Variants in RABL3 observed in about 807,000 individuals in gnomAD.
RABL3 encodes the protein rab-like protein 3.
In RABL3, 31 loss-of-function variants were observed where a neutral mutation model predicts 31.8. That is an observed-to-expected ratio of 0.97 (90% CI 0.73 to 1.31). RABL3 has a LOEUF of 1.31. Ranked by LOEUF, RABL3 falls within the 40% of genes most tolerant of loss-of-function variation. RABL3 has a pLI of 0.00. For synonymous variants in RABL3, 97 were observed against 99.9 expected (o/e 0.97, Z 0.18); for missense variants, 263 against 279.6 (o/e 0.94, Z 0.42).
chr3:120,693,714 A>G (rs1708405333), intron 6 of RABL3, among the ~76,000 whole-genome samples: 1 of 152,218 alleles, frequency 6.6e-6, no homozygotes, highest in Non-Finnish European at 1.5e-5. Flanking sequence ...TAGGAAATCA[A>G]GAAGACATTA....
At chr3:120,742,127 T>C (rs1709051289) in intron 1 of RABL3, among the ~76,000 whole-genome samples, 1 of 151,044 alleles carries the variant, frequency 6.6e-6, no homozygotes, top group South Asian at 2.1e-4. Flanking sequence ...ACCCTTAACA[T>C]AGAACCCCAT....
intron 1 of RABL3, among the ~76,000 whole-genome samples, chr3:120,737,948 C>A (rs1708992018): frequency 1.3e-5 from 2 of 152,194 alleles, no homozygotes; most frequent in Admixed American, 6.5e-5. Context: ...CTGGAGGGTG[C>A]CTCCCAGTTA....
intron 3 of RABL3, among the ~76,000 whole-genome samples, chr3:120,709,472 G>A (rs1319229377): frequency 6.6e-6 from 1 of 152,084 alleles, no homozygotes; most frequent in Non-Finnish European, 1.5e-5. Context: ...ACTGGAGACA[G>A]AGCAACCCCA....
chr3:120,695,569 G>C (rs187053751), intron 5 of RABL3, among the ~76,000 whole-genome samples: 1 of 152,224 alleles, frequency 6.6e-6, no homozygotes, highest in East Asian at 1.9e-4. Flanking sequence ...GAAAATGCTA[G>C]CAGATTGAAT....
At chr3:120,709,644 C>T (rs1440676855) in intron 3 of RABL3, 136 bp downstream of exon 3, 2 of 601,280 alleles carry the variant, frequency 3.3e-6, no homozygotes, top group Non-Finnish European at 5.6e-6. Context: ...ATGTACTATG[C>T]AGATTTAAAT....
chr3:120,689,829 A>G lies in RABL3; in HGVS notation c.705T>C (p.Tyr235=), dbSNP rs762306561. The change falls in exon 8 of 8, where the codon TAT becomes TAC. Residue 235 remains tyrosine (Y), a synonymous_variant. Transcript: ENST00000273375. ...FGAGTLKSLH[Y]D is the part of the protein sequence containing the mutation. ...TCCAAAGGATGAGTGTAATTCAGTCATAATGAAGGCTCTTTAATGTTCCTG... is the reference window on the plus strand; with the variant it reads ...TCCAAAGGATGAGTGTAATTCAGTCGTAATGAAGGCTCTTTAATGTTCCTG... 2 of 1,611,236 alleles carry G rather than the reference A, an allele frequency of 1.2e-6. No homozygotes were observed. Among genetic ancestry groups the G allele is most frequent in the South Asian group, 2.2e-5 (2 of 90,990 alleles).
At chr3:120,709,640 T>C in intron 3 of RABL3, 140 bp downstream of exon 3, 1 of 581,846 alleles carries the variant, frequency 1.7e-6, no homozygotes, top group Non-Finnish European at 2.9e-6. Context: ...TGGAATGTAC[T>C]ATGCAGATTT....
intron 5 of RABL3, 99 bp downstream of exon 5, chr3:120,698,324 A>G: frequency 1.7e-6 from 2 of 1,159,958 alleles, no homozygotes; most frequent in South Asian, 3.0e-5. Flanking sequence ...CCTGATTTCA[A>G]GTATAAAGCT....
At chr3:120,694,299 T>C in intron 5 of RABL3, 75 bp from the exon 6 acceptor site, 3 of 964,346 alleles carry the variant, frequency 3.1e-6, no homozygotes, top group Middle Eastern at 2.1e-4. Context: ...ACTTATCCTG[T>C]TGCATATTTC....
At position 120,717,597 on chromosome 3, in the gene RABL3, T is replaced by C. The variant is rs931184785; in HGVS notation, c.139-7688A>G. Among the ~76,000 whole-genome samples the C allele has an allele frequency of 2.0e-5, 3 of 152,212 alleles. No individual in the cohort carries two copies. In the South Asian group the frequency reaches 6.2e-4, roughly 32 times the overall value. On this transcript the variant is annotated intron_variant, in intron 2 of 7. Coordinates refer to ENST00000273375, the MANE Select transcript of RABL3 (RefSeq NM_173825.5). The stretch of plus-strand genomic sequence containing the variant: ...CATTTTCCTACCTCAGCTTCCCGAG[T>C]AGCTAGGATTACAGGTGTGTGCCAC...
chr3:120,728,161 G>A (rs1027934230), intron 2 of RABL3, among the ~76,000 whole-genome samples: 2 of 152,106 alleles, frequency 1.3e-5, no homozygotes, highest in Non-Finnish European at 2.9e-5. Context: ...GATAGGAAAA[G>A]GAGTAGGGCA....
intron 4 of RABL3, among the ~76,000 whole-genome samples, chr3:120,698,920 A>G (rs943291616): frequency 6.6e-6 from 1 of 152,242 alleles, no homozygotes; most frequent in African/African-American, 2.4e-5. Context: ...TTAACATAAC[A>G]GCTCAGGAAT....
At chr3:120,694,329 G>A in intron 5 of RABL3, 105 bp from the exon 6 acceptor site, 4 of 645,000 alleles carry the variant, frequency 6.2e-6, no homozygotes, top group Non-Finnish European at 8.4e-6. Flanking sequence ...AATACTATTA[G>A]GCACAATACT....
intron 4 of RABL3, among the ~76,000 whole-genome samples, chr3:120,702,619 G>A (rs10934532): frequency 0.28 from 41,696 of 150,570 alleles, 7,511 homozygotes; most frequent in East Asian, 0.83. Context: ...GTGCAGTGGC[G>A]TGATCTCGGC....
In RABL3 at chr3:120,687,818, T is replaced by C. The variant is rs898214436; in HGVS notation, c.*2005A>G. 6.6e-6 allele frequency: 1 copy of C among 151,776 alleles called. No individual in the cohort carries two copies. The highest frequency in any genetic ancestry group is 6.6e-5 in the Admixed American group (1 of 15,230). The allele number at this position is 151,776 out of a possible 1,614,324, so 9.4% of individuals were successfully genotyped here. ...TATTTATTTATTTATTTTCTTTTAGTTGGAGTCTCACTCTGTCACCTAGGC... is the reference window on the plus strand; with the variant it reads ...TATTTATTTATTTATTTTCTTTTAGCTGGAGTCTCACTCTGTCACCTAGGC... On this transcript the variant is annotated 3_prime_UTR_variant, in exon 8 of 8. Transcript: ENST00000273375.
At chr3:120,717,418 C>T (rs765914284) in intron 2 of RABL3, among the ~76,000 whole-genome samples, 11 of 152,236 alleles carry the variant, frequency 7.2e-5, no homozygotes, top group Middle Eastern at 6.8e-3. Context: ...TCAATTAGTG[C>T]CACACTCATT....
intron 1 of RABL3, among the ~76,000 whole-genome samples, chr3:120,733,505 AG>A (rs1316759304): frequency 6.6e-6 from 1 of 152,098 alleles, no homozygotes; most frequent in Non-Finnish European, 1.5e-5. Flanking sequence ...CCCATTCTGT[AG>A]GTTGCCTGTT....
chr3:120,718,058 G>A (rs1026576322), intron 2 of RABL3, among the ~76,000 whole-genome samples: 3 of 152,076 alleles, frequency 2.0e-5, no homozygotes, highest in African/African-American at 7.2e-5. Context: ...TTCTCAGACT[G>A]CTTTTGCTTC....
chr3:120,688,869 T>C lies in RABL3; in HGVS notation c.*954A>G, dbSNP rs1327311379. 1 of 152,170 alleles carries C rather than the reference T, an allele frequency of 6.6e-6. No homozygotes were observed. Among genetic ancestry groups the C allele is most frequent in the Non-Finnish European group, 1.5e-5 (1 of 68,034 alleles). The allele number at this position is 152,170 out of a possible 1,614,324, so 9.4% of individuals were successfully genotyped here. ...GAAATCCAAGAATCCTAGTTCATAA[T>C]TCATGTAAATGTGTTGCTGTGGAAC... On this transcript the variant is annotated 3_prime_UTR_variant, in exon 8 of 8. Coordinates refer to ENST00000273375, the MANE Select transcript of RABL3 (RefSeq NM_173825.5).
Sources: allele counts gnomAD v4.1 joint callset (sites outside exome capture counted in the v4.1 genomes callset), GRCh38; gene constraint gnomAD v4.1.1; transcripts MANE v1.5; gene names NCBI Gene and HGNC (gene_info 2026-07-23, HGNC 2026-07-21).